Variants in CDK14 observed in about 807,000 individuals in gnomAD.
CDK14 encodes the protein cyclin dependent kinase 14.
In CDK14, 34 loss-of-function variants were observed where a neutral mutation model predicts 60.7. The ratio of observed to expected loss-of-function variants is 0.56; its 90% CI spans 0.43 to 0.75. CDK14 has a LOEUF of 0.75. CDK14 is among the 30% of genes least tolerant of loss of function. The pLI is 0.00. For missense variants in CDK14, 482 were observed against 564.1 expected, an observed-to-expected ratio of 0.85 and a Z score of 1.47; for synonymous variants, 197 against 203.7, an observed-to-expected ratio of 0.97 and a Z score of 0.28.
At chr7:91,185,918 C>T (rs1481557286) in intron 14 of CDK14, among the ~76,000 whole-genome samples, 1 of 152,086 alleles carries the variant, frequency 6.6e-6, no homozygotes, top group Non-Finnish European at 1.5e-5. Flanking sequence ...CCCAAACCCC[C>T]ACAGCCTCAG....
chr7:91,162,977 G>T (rs1315581517), intron 14 of CDK14, among the ~76,000 whole-genome samples: 1 of 152,142 alleles, frequency 6.6e-6, no homozygotes, highest in Non-Finnish European at 1.5e-5. Flanking sequence ...TACCAGTTGT[G>T]CAGGCAGCAC....
At chr7:91,001,272 A>G (rs1427327044) in intron 10 of CDK14, among the ~76,000 whole-genome samples, 1 of 152,164 alleles carries the variant, frequency 6.6e-6, no homozygotes, top group Non-Finnish European at 1.5e-5. Flanking sequence ...AAGAATTTGA[A>G]GACATATTGA....
intron 7 of CDK14, among the ~76,000 whole-genome samples, chr7:90,901,188 C>T (rs1792493880): frequency 6.6e-6 from 1 of 152,160 alleles, no homozygotes; most frequent in Non-Finnish European, 1.5e-5. Context: ...GTTTGCTCCT[C>T]ATTCCGAGTC....
chr7:90,671,122 C>A (rs542830606), intron 2 of CDK14, among the ~76,000 whole-genome samples: 3 of 152,140 alleles, frequency 2.0e-5, no homozygotes, highest in African/African-American at 7.2e-5. Flanking sequence ...AGATGGCTCC[C>A]GTTTCCCACC....
chr7:90,852,652 C>G (rs746396101), intron 5 of CDK14, among the ~76,000 whole-genome samples: 1 of 152,116 alleles, frequency 6.6e-6, no homozygotes, highest in Non-Finnish European at 1.5e-5. Context: ...TGGCCAAGCA[C>G]GGTTATTAGC....
chr7:90,841,075 T>G (rs2117145090), intron 5 of CDK14, among the ~76,000 whole-genome samples: 1 of 152,318 alleles, frequency 6.6e-6, no homozygotes, highest in African/African-American at 2.4e-5. Context: ...TTTTTGTGTT[T>G]TTTTGCTTTA....
chr7:90,733,376 A>C (rs1344422302), intron 3 of CDK14, among the ~76,000 whole-genome samples: 1 of 152,090 alleles, frequency 6.6e-6, no homozygotes, highest in Non-Finnish European at 1.5e-5. Context: ...GCTGAGTTCA[A>C]GTCCTAGATA....
chr7:90,651,400 GC>G (rs1800637850), intron 2 of CDK14, among the ~76,000 whole-genome samples: 1 of 151,938 alleles, frequency 6.6e-6, no homozygotes, highest in South Asian at 2.1e-4. Context: ...GCACCCAGAT[GC>G]TGGTAACTCC....
intron 2 of CDK14, among the ~76,000 whole-genome samples, chr7:90,681,637 G>A (rs1584790204): frequency 6.6e-6 from 1 of 152,134 alleles, no homozygotes. Context: ...GAATGTGGCT[G>A]TTTCTATGAA....
chr7:90,821,595 T>C (rs1789551928), intron 5 of CDK14, among the ~76,000 whole-genome samples: 2 of 152,144 alleles, frequency 1.3e-5, no homozygotes, highest in Admixed American at 1.3e-4. Context: ...TTCCACCAAA[T>C]GATACAGCTG....
intron 2 of CDK14, among the ~76,000 whole-genome samples, chr7:90,616,374 T>C (rs1563016952): frequency 2.0e-5 from 3 of 152,230 alleles, no homozygotes; most frequent in Admixed American, 6.5e-5. Flanking sequence ...TTTTGTGTTA[T>C]AGGTGCTCGT....
intron 5 of CDK14, among the ~76,000 whole-genome samples, chr7:90,828,300 C>T (rs1252914614): frequency 6.6e-6 from 1 of 152,210 alleles, no homozygotes; most frequent in Non-Finnish European, 1.5e-5. Flanking sequence ...GTGGACCCAG[C>T]AGTATTCTTC....
At chr7:90,709,005 G>C (rs1196112111) in intron 2 of CDK14, among the ~76,000 whole-genome samples, 1 of 152,080 alleles carries the variant, frequency 6.6e-6, no homozygotes, top group African/African-American at 2.4e-5. Context: ...GCATGACTTG[G>C]CACAATTTGC....
intron 14 of CDK14, among the ~76,000 whole-genome samples, chr7:91,193,660 T>C (rs1372611332): frequency 1.3e-5 from 2 of 152,112 alleles, no homozygotes; most frequent in Non-Finnish European, 2.9e-5. Context: ...TAAAAGTAAA[T>C]CTACATATGT....
At chr7:90,837,004 G>A (rs757139836) in intron 5 of CDK14, among the ~76,000 whole-genome samples, 4 of 152,188 alleles carry the variant, frequency 2.6e-5, no homozygotes, top group Non-Finnish European at 5.9e-5. Flanking sequence ...TACAAGTTAA[G>A]CAGCCAGTCT....
chr7:90,730,381 T>C (rs1802814470), intron 3 of CDK14, among the ~76,000 whole-genome samples: 1 of 152,192 alleles, frequency 6.6e-6, no homozygotes, highest in African/African-American at 2.4e-5. Context: ...AGTAATGGGA[T>C]TGCTGGGTCA....
Position 91,016,529 on chromosome 7 carries a change from G to A in CDK14, c.1042-29368G>A, listed in dbSNP as rs557389369. Among the ~76,000 whole-genome samples, 7 of 152,260 alleles carry A rather than the reference G, an allele frequency of 4.6e-5. No individual in the cohort carries two copies. The East Asian group carries it at 1.4e-3, about 29-fold the overall frequency. ...GACTATCAACCTCTTTTGAAAGTGA[G>A]TTATGCATTTTAACTACCCCTCCTC... On this transcript the variant is annotated intron_variant, in intron 10 of 14. Coordinates refer to ENST00000380050, the MANE Select transcript of CDK14 (RefSeq NM_001287135.2).
intron 2 of CDK14, among the ~76,000 whole-genome samples, chr7:90,707,777 G>A (rs954689204): frequency 2.0e-5 from 3 of 151,976 alleles, no homozygotes; most frequent in East Asian, 3.9e-4. Context: ...TCAGCTTTAC[G>A]TTACCTCCTC....
intron 4 of CDK14, among the ~76,000 whole-genome samples, chr7:90,748,471 C>G (rs1803686152): frequency 6.6e-6 from 1 of 152,208 alleles, no homozygotes; most frequent in South Asian, 2.1e-4. Flanking sequence ...GCAATCTCTG[C>G]AACAACCACA....
Sources: gnomAD v4.1 joint callset for allele counts (sites outside exome capture counted in the v4.1 genomes callset) on GRCh38, gnomAD v4.1.1 for gene constraint, MANE v1.5 for transcripts, NCBI Gene and HGNC (gene_info 2026-07-23, HGNC 2026-07-21) for gene names.